Variants in KCNAB1 observed in about 807,000 individuals in gnomAD.
The protein encoded by KCNAB1 is voltage-gated potassium channel subunit beta-1.
A neutral mutation model predicts 64.6 loss-of-function variants in KCNAB1; 35 were observed. The ratio of observed to expected loss-of-function variants is 0.54; its 90% CI spans 0.41 to 0.72. KCNAB1 has a LOEUF of 0.72. KCNAB1 is among the 30% of genes least tolerant of loss of function. The pLI is 0.00. For missense variants in KCNAB1, 401 were observed against 512.9 expected, an observed-to-expected ratio of 0.78 and a Z score of 2.11; for synonymous variants, 177 against 183.8, an observed-to-expected ratio of 0.96 and a Z score of 0.30.
chr3:156,476,543 A>G (rs111733500), intron 8 of KCNAB1, among the ~76,000 whole-genome samples: 41 of 145,834 alleles, frequency 2.8e-4, no homozygotes, highest in African/African-American at 9.6e-4. Context: ...ACACACACAC[A>G]CACGCACACA....
intron 8 of KCNAB1, among the ~76,000 whole-genome samples, chr3:156,483,096 A>G (rs942955704): frequency 2.6e-5 from 4 of 152,116 alleles, no homozygotes; most frequent in African/African-American, 7.2e-5. Context: ...CTTGGGACAC[A>G]CAGTGCTCAT....
At chr3:156,449,422 A>G (rs187736150) in intron 2 of KCNAB1, among the ~76,000 whole-genome samples, 1 of 152,276 alleles carries the variant, frequency 6.6e-6, no homozygotes, top group African/African-American at 2.4e-5. Flanking sequence ...TCTTCCTAAC[A>G]TGGATGGAAT....
chr3:156,410,913 A>AG (rs1714605558), intron 1 of KCNAB1, among the ~76,000 whole-genome samples: 1 of 152,128 alleles, frequency 6.6e-6, no homozygotes, highest in African/African-American at 2.4e-5. Context: ...ATTTATATAC[A>AG]CTTTTTTGTG....
At chr3:156,198,075 G>A (rs1046401373) in intron 1 of KCNAB1, among the ~76,000 whole-genome samples, 6 of 151,974 alleles carry the variant, frequency 3.9e-5, no homozygotes, top group Non-Finnish European at 4.4e-5. Flanking sequence ...CAGGTTGTTC[G>A]GTTTCCATGT....
At chr3:156,240,997 G>C (rs761852926) in intron 1 of KCNAB1, among the ~76,000 whole-genome samples, 2 of 152,170 alleles carry the variant, frequency 1.3e-5, no homozygotes, top group African/African-American at 4.8e-5. Flanking sequence ...CACCTGAAAG[G>C]TGAGGGAGCT....
intron 8 of KCNAB1, among the ~76,000 whole-genome samples, chr3:156,478,751 C>T (rs1208314151): frequency 6.6e-6 from 1 of 152,178 alleles, no homozygotes; most frequent in Non-Finnish European, 1.5e-5. Context: ...CCAGTTTCTA[C>T]ATATCATACA....
chr3:156,507,656 TTAAA>T (rs1327945995), intron 8 of KCNAB1, among the ~76,000 whole-genome samples: 9 of 152,140 alleles, frequency 5.9e-5, no homozygotes, highest in African/African-American at 2.2e-4. Flanking sequence ...GCTTCTGAAG[TTAAA>T]TAAATAAACA....
At chr3:156,486,484 C>T (rs1443234092) in intron 8 of KCNAB1, among the ~76,000 whole-genome samples, 1 of 152,116 alleles carries the variant, frequency 6.6e-6, no homozygotes, top group African/African-American at 2.4e-5. Context: ...GTTTGAAGGC[C>T]ATTCAGATGG....
chr3:156,232,678 A>G (rs1716603789), intron 1 of KCNAB1, among the ~76,000 whole-genome samples: 1 of 152,248 alleles, frequency 6.6e-6, no homozygotes, highest in African/African-American at 2.4e-5. Flanking sequence ...CCAAAGTGAG[A>G]CAATAATATT....
At chr3:156,505,322 G>T (rs759522170) in intron 8 of KCNAB1, among the ~76,000 whole-genome samples, 5 of 152,060 alleles carry the variant, frequency 3.3e-5, no homozygotes, top group Non-Finnish European at 5.9e-5. Flanking sequence ...TATATTTTCA[G>T]GTCAAGTAGT....
At chr3:156,133,106 G>A (rs1361302167) in intron 1 of KCNAB1, among the ~76,000 whole-genome samples, 1 of 152,166 alleles carries the variant, frequency 6.6e-6, no homozygotes, top group Admixed American at 6.5e-5. Context: ...TACAGCAATG[G>A]ACATTAAGTA....
At chr3:156,469,184 C>T (rs957155696) in intron 7 of KCNAB1, among the ~76,000 whole-genome samples, 8 of 151,682 alleles carry the variant, frequency 5.3e-5, no homozygotes, top group Admixed American at 5.2e-4. Context: ...ACTGCATCTC[C>T]ATTGCTTTAA....
intron 1 of KCNAB1, among the ~76,000 whole-genome samples, chr3:156,353,849 C>T (rs189801739): frequency 5.3e-5 from 8 of 152,190 alleles, no homozygotes; most frequent in Admixed American, 1.3e-4. Context: ...ATTATTCTTG[C>T]GACATTCTAT....
intron 13 of KCNAB1, among the ~76,000 whole-genome samples, chr3:156,536,197 G>A (rs1222054561): frequency 2.0e-5 from 3 of 152,218 alleles, no homozygotes; most frequent in African/African-American, 7.2e-5. Flanking sequence ...AAGATGGTGA[G>A]TCCAAACAGA....
intron 5 of KCNAB1, among the ~76,000 whole-genome samples, chr3:156,461,454 A>G (rs1712904521): frequency 6.6e-6 from 1 of 152,220 alleles, no homozygotes; most frequent in Non-Finnish European, 1.5e-5. Flanking sequence ...ATATTGGATT[A>G]CGGGCCTCCT....
intron 1 of KCNAB1, among the ~76,000 whole-genome samples, chr3:156,190,073 G>C (rs755057334): frequency 6.6e-6 from 1 of 152,168 alleles, no homozygotes; most frequent in Non-Finnish European, 1.5e-5. Flanking sequence ...TAGTTTCTGA[G>C]TTATGTTGAG....
chr3:156,413,879 A>AT (rs2108213579), intron 1 of KCNAB1, among the ~76,000 whole-genome samples: 1 of 152,334 alleles, frequency 6.6e-6, no homozygotes, highest in East Asian at 1.9e-4. Context: ...TCTCGTACAC[A>AT]ATAACCATAA....
rs1429282340 is a variant in KCNAB1 at position 156,474,485 on chromosome 3, A to C, written c.572-249A>C. Among the ~76,000 whole-genome samples, 3 of 152,182 alleles carry C rather than the reference A, an allele frequency of 2.0e-5. No homozygotes were observed. In the East Asian group the frequency reaches 5.8e-4, roughly 29 times the overall value. On this transcript the variant is annotated intron_variant, in intron 7 of 13. Coordinates refer to ENST00000490337, the MANE Select transcript of KCNAB1 (RefSeq NM_172160.3). ...CAAGTCACTGTGAAGGTCATTCCTA[A>C]GTGTATATTTTCCTGTGAGAGTGAT...
At chr3:156,530,627 G>A (rs560626963) in intron 12 of KCNAB1, among the ~76,000 whole-genome samples, 12 of 152,236 alleles carry the variant, frequency 7.9e-5, no homozygotes, top group South Asian at 4.1e-4. Flanking sequence ...AGCCAAAAAC[G>A]CAGATGCAGC....
Sources: gnomAD v4.1 joint callset for allele counts (sites outside exome capture counted in the v4.1 genomes callset) on GRCh38, gnomAD v4.1.1 for gene constraint, MANE v1.5 for transcripts, NCBI Gene and HGNC (gene_info 2026-07-23, HGNC 2026-07-21) for gene names.